The following LSM11 variants were observed in gnomAD, a reference collection of about 807,000 sequenced individuals.
LSM11 encodes U7 snRNA-associated Sm-like protein LSm11.
Under a neutral mutation model 28.1 loss-of-function variants are expected in LSM11, and 14 were observed. That is an observed-to-expected ratio of 0.50 (90% CI 0.33 to 0.78). LSM11 has a LOEUF of 0.78. LSM11 is among the 30% of genes least tolerant of loss of function. The pLI is 0.02. For missense variants in LSM11, 495 were observed against 510.6 expected (o/e 0.97, Z 0.30); for synonymous variants, 207 against 214.2 (o/e 0.97, Z 0.30).
Position 157,744,028 on chromosome 5 carries a change from C to T in LSM11, c.278C>T (p.Ser93Leu). The T allele has an allele frequency of 1.5e-6, 2 of 1,372,250 alleles. No individual in the cohort carries two copies. The highest frequency in any genetic ancestry group is 1.9e-6 in the Non-Finnish European group (2 of 1,059,592). The allele number at this position is 1,372,250 out of a possible 1,614,324, so 85.0% of individuals were successfully genotyped here. ...GGGGTTCCCGCCGCACCCGGGCCCT[C>T]GGGCAGGACTCGTCGCCGCCCGGAC... ...GSGVPAAPGP[S>L]GRTRRRPDAP... Residue 93 changes from serine (S) to leucine (L), a missense_variant, in exon 1 of 4, where the codon TCG (serine) becomes TTG (leucine). Ser to Leu is a moderately radical substitution (Grantham distance 145). Coordinates refer to ENST00000286307, the MANE Select transcript of LSM11 (RefSeq NM_173491.4).
At chr5:157,745,486 G>A (rs1183539926) in intron 1 of LSM11, among the ~76,000 whole-genome samples, 1 of 152,164 alleles carries the variant, frequency 6.6e-6, no homozygotes, top group African/African-American at 2.4e-5. Flanking sequence ...AGCAGTTTGG[G>A]GGACCTTAAT....
At position 157,751,480 on chromosome 5, in the gene LSM11, G is replaced by A. The variant is rs1761230684; in HGVS notation, c.539G>A (p.Arg180Gln). ...CACATCCGCACTTTCAAGGGACTTC[G>A]GGGCGTCTGTACAGGCTTCCTTGTT... ...NVHIRTFKGLRGVCTGFLVAF... is the reference protein window; with the variant it reads ...NVHIRTFKGLQGVCTGFLVAF... The change falls in exon 2 of 4, where the codon CGG (arginine) becomes CAG (glutamine). Residue 180 changes from arginine to glutamine, a missense_variant. Transcript: ENST00000286307. 2.5e-6 allele frequency: 4 copies of A among 1,613,068 alleles called. No homozygotes were observed. The highest frequency in any genetic ancestry group is 2.2e-5 in the East Asian group (1 of 44,866).
intron 1 of LSM11, 54 bp from the exon 2 acceptor site, chr5:157,751,336 C>A: frequency 6.7e-7 from 1 of 1,503,088 alleles, no homozygotes; most frequent in Non-Finnish European, 8.9e-7. Flanking sequence ...TGGCTTAATT[C>A]TGGGAATGAG....
At chr5:157,750,786 T>A (rs1417947210) in intron 1 of LSM11, among the ~76,000 whole-genome samples, 4 of 152,174 alleles carry the variant, frequency 2.6e-5, no homozygotes, top group African/African-American at 4.8e-5. Context: ...TGCCCGTGTG[T>A]GTGTGTGTTT....
At chr5:157,752,612 G>A (rs1243106915) in intron 2 of LSM11, among the ~76,000 whole-genome samples, 10 of 151,418 alleles carry the variant, frequency 6.6e-5, no homozygotes, top group Admixed American at 6.6e-5. Context: ...TTGGAAGGCC[G>A]AGGCAGGCGG....
At chr5:157,746,485 T>G (rs1761149884) in intron 1 of LSM11, among the ~76,000 whole-genome samples, 1 of 152,242 alleles carries the variant, frequency 6.6e-6, no homozygotes, top group South Asian at 2.1e-4. Context: ...GGAATGTTTA[T>G]GAAAAAACAA....
Position 157,755,451 on chromosome 5 carries a change from G to A in LSM11, c.*187G>A, listed in dbSNP as rs573060907. On this transcript the variant is annotated 3_prime_UTR_variant, in exon 4 of 4. Coordinates refer to ENST00000286307, the MANE Select transcript of LSM11 (RefSeq NM_173491.4). Reference sequence around the variant, plus strand: ...GAGGACAGGCCTTGGGAGGGCAGGCGTTTGCATTAATATCAAGGCAAAAAG... The same window carrying A: ...GAGGACAGGCCTTGGGAGGGCAGGCATTTGCATTAATATCAAGGCAAAAAG... 7.2e-5 allele frequency: 45 copies of A among 625,780 alleles called. No individual in the cohort carries two copies. Among genetic ancestry groups the A allele is most frequent in the East Asian group, 6.4e-4 (23 of 35,952 alleles). The allele number at this position is 625,780 out of a possible 1,614,324, so 38.8% of individuals were successfully genotyped here. A position where few individuals can be genotyped will look rare whatever the true frequency, so the allele number is the denominator to read the frequency against.
chr5:157,749,491 T>G (rs1202727628), intron 1 of LSM11, among the ~76,000 whole-genome samples: 1 of 152,184 alleles, frequency 6.6e-6, no homozygotes, highest in Non-Finnish European at 1.5e-5. Flanking sequence ...ATTCATCAGG[T>G]TCACACAACT....
intron 1 of LSM11, among the ~76,000 whole-genome samples, chr5:157,747,993 CTGTGTGTGTG>C (rs5872520): frequency 2.5e-4 from 37 of 148,716 alleles, no homozygotes; most frequent in East Asian, 6.0e-4. Context: ...CACCACACTG[CTGTGTGTGTG>C]TGTGTGTGTG....
chr5:157,749,050 G>C (rs769143562), intron 1 of LSM11, among the ~76,000 whole-genome samples: 2 of 152,088 alleles, frequency 1.3e-5, no homozygotes, highest in Non-Finnish European at 2.9e-5. Flanking sequence ...TCGTACTTTT[G>C]ATCACACAAG....
intron 1 of LSM11, chr5:157,747,513 C>T (rs995988145): frequency 1.3e-5 from 3 of 229,098 alleles, no homozygotes; most frequent in East Asian, 1.1e-4. Context: ...TCCTTTTACT[C>T]GCACACATCC....
At chr5:157,750,261 T>C in intron 1 of LSM11, among the ~76,000 whole-genome samples, 1 of 152,162 alleles carries the variant, frequency 6.6e-6, no homozygotes, top group Non-Finnish European at 1.5e-5. Flanking sequence ...GAAAAAAGAA[T>C]GTGTACGGCT....
chr5:157,754,754 CCA>C, intron 3 of LSM11, 98 bp from the exon 4 acceptor site: 1 of 1,005,570 alleles, frequency 9.9e-7, no homozygotes, highest in East Asian at 2.5e-5. Context: ...AGCAAGGAGT[CCA>C]CAGAACATAA....
intron 1 of LSM11, among the ~76,000 whole-genome samples, chr5:157,751,169 T>C (rs113491432): frequency 1.3e-5 from 2 of 152,202 alleles, no homozygotes; most frequent in African/African-American, 4.8e-5. Context: ...TTGGCTGATA[T>C]TCATACATAT....
intron 1 of LSM11, among the ~76,000 whole-genome samples, chr5:157,747,000 T>C (rs943757619): frequency 2.0e-5 from 3 of 152,214 alleles, no homozygotes; most frequent in Non-Finnish European, 4.4e-5. Flanking sequence ...TTTTTCGTCA[T>C]CATTAAGCCT....
At position 157,755,377 on chromosome 5, in the gene LSM11, T is replaced by C; in HGVS notation, c.*113T>C. 8.3e-7 allele frequency: 1 copy of C among 1,201,794 alleles called. No individual in the cohort carries two copies. 74.4% of individuals were successfully genotyped at this position (1,201,794 alleles called of 1,614,324 possible). Reference sequence around the variant, plus strand: ...TGGAATGATTCCCTCTGGTCCTGCATATGCAGAGGACGGAGCAGGCTCAGC... The same window carrying C: ...TGGAATGATTCCCTCTGGTCCTGCACATGCAGAGGACGGAGCAGGCTCAGC... On this transcript the variant is annotated 3_prime_UTR_variant, in exon 4 of 4. Transcript: ENST00000286307.
At chr5:157,753,882 C>T (rs2113076855) in intron 2 of LSM11, 122 bp from the exon 3 acceptor site, 1 of 529,284 alleles carries the variant, frequency 1.9e-6, no homozygotes, top group Non-Finnish European at 3.1e-6. Flanking sequence ...GCTGAGTCAT[C>T]TGTTAAGTGT....
Position 157,743,886 on chromosome 5 carries a change from C to A in LSM11, c.136C>A (p.Pro46Thr), listed in dbSNP as rs754879171. The change falls in exon 1 of 4, where the codon CCC becomes ACC. Residue 46 changes from proline to threonine, a missense_variant. Coordinates refer to ENST00000286307, the MANE Select transcript of LSM11 (RefSeq NM_173491.4). ...ALYAPRLPPI[P>T]YPNAPCFNNV... The stretch of plus-strand genomic sequence containing the variant: ...GTACGCGCCCCGCCTGCCTCCCATT[C>A]CCTACCCCAATGCCCCCTGCTTCAA... The A allele has an allele frequency of 6.4e-7, 1 of 1,554,516 alleles. No individual in the cohort carries two copies. The highest frequency in any genetic ancestry group is 8.7e-7 in the Non-Finnish European group (1 of 1,152,304).
chr5:157,754,018 G>C lies in LSM11; in HGVS notation c.603G>C (p.Val201=). 1 of 1,574,674 alleles carries C rather than the reference G, an allele frequency of 6.4e-7. No individual in the cohort carries two copies. The highest frequency in any genetic ancestry group is 8.6e-7 in the Non-Finnish European group (1 of 1,161,550). ...DKFWNMALTD[V]DETYRKPVLG... is the part of the protein sequence containing the mutation. ...TGTTCCTCTAGGCACTTACTGATGT[G>C]GATGAGACCTACCGAAAACCTGTCC... Residue 201 remains valine, a synonymous_variant, in exon 3 of 4, where the codon GTG becomes GTC. Coordinates refer to ENST00000286307, the MANE Select transcript of LSM11 (RefSeq NM_173491.4).
Sources: gnomAD v4.1 joint callset for allele counts (sites outside exome capture counted in the v4.1 genomes callset) on GRCh38, gnomAD v4.1.1 for gene constraint, MANE v1.5 for transcripts, NCBI Gene and HGNC (gene_info 2026-07-23, HGNC 2026-07-21) for gene names.